Variants in CNTN1 observed in about 807,000 individuals in gnomAD.
The protein encoded by CNTN1 is contactin 1.
A neutral mutation model predicts 126.4 loss-of-function variants in CNTN1; 38 were observed. The observed-to-expected ratio is 0.30, with a 90% CI of 0.23 to 0.39. The LOEUF is 0.39. CNTN1 is among the 10% of genes least tolerant of loss of function. CNTN1 has a pLI of 1.00. For missense variants in CNTN1, 1,009 were observed against 1,248.4 expected (o/e 0.81, Z 2.89); for synonymous variants, 413 against 422.6 (o/e 0.98, Z 0.28).
intron 23 of CNTN1, among the ~76,000 whole-genome samples, chr12:41,069,664 C>G (rs1001053154): frequency 1.5e-4 from 22 of 147,546 alleles, no homozygotes; most frequent in African/African-American, 5.5e-4. Flanking sequence ...TGACATTTTG[C>G]CTTCTGGTAG....
chr12:40,951,238 C>T (rs1166257623), intron 14 of CNTN1, among the ~76,000 whole-genome samples: 3 of 152,114 alleles, frequency 2.0e-5, no homozygotes, highest in African/African-American at 7.2e-5. Flanking sequence ...GACTCTTCAG[C>T]TGTCATTCTC....
In CNTN1 at chr12:40,822,148, C is replaced by CTTTTTTTTTTTTT. The variant is rs777953120; in HGVS notation, c.-76-86197_-76-86185dup. 1.3e-4 allele frequency among the ~76,000 whole-genome samples: 6 copies of CTTTTTTTTTTTTT among 47,258 alleles called. 1 individual carries two copies. Among genetic ancestry groups the CTTTTTTTTTTTTT allele is most frequent in the Non-Finnish European group, 1.7e-4 (4 of 23,472 alleles). 31.0% of individuals were successfully genotyped at this position (47,258 alleles called of 152,430 possible). On this transcript the variant is annotated intron_variant, in intron 1 of 23. Transcript: ENST00000551295. ...TTTCCAGTCTAGACAAAATATAAAT[C>CTTTTTTTTTTTTT]TTTTTTTTTTTTTTTTTTTTTTTTG...
intron 14 of CNTN1, among the ~76,000 whole-genome samples, chr12:40,957,100 T>TCAAATAAGATGAGCTGAAGC: frequency 6.6e-6 from 1 of 151,728 alleles, no homozygotes; most frequent in Middle Eastern, 3.4e-3. Context: ...TATCAAGAAG[T>TCAAATAAGATGAGCTGAAGC]CAAATAAGAT....
In CNTN1 at chr12:41,025,632, A is replaced by G. The variant is rs34016463; in HGVS notation, c.2710+296A>G. On this transcript the variant is annotated intron_variant, in intron 21 of 23. Coordinates refer to ENST00000551295, the MANE Select transcript of CNTN1 (RefSeq NM_001843.4). ...AACTTGTCTTTACCCTGTACTTATT[A>G]ATTTAAACATTGTTTTCATAGGAGT... 0.024 allele frequency among the ~76,000 whole-genome samples: 3,662 copies of G among 152,314 alleles called. 70 individuals are homozygous for G. The highest frequency in any genetic ancestry group is 0.031 in the African/African-American group (1,299 of 41,560).
At chr12:40,849,745 A>C (rs900959492) in intron 1 of CNTN1, among the ~76,000 whole-genome samples, 3 of 152,090 alleles carry the variant, frequency 2.0e-5, no homozygotes, top group African/African-American at 7.2e-5. Context: ...GATTTGTATT[A>C]TTAAAATAAG....
chr12:40,880,100 C>G (rs141341473), intron 1 of CNTN1, among the ~76,000 whole-genome samples: 4 of 151,696 alleles, frequency 2.6e-5, no homozygotes, highest in Non-Finnish European at 4.4e-5. Flanking sequence ...TTTGAGGTGA[C>G]GCAAAGTCAT....
intron 1 of CNTN1, among the ~76,000 whole-genome samples, chr12:40,852,150 A>G (rs1374746795): frequency 6.6e-6 from 1 of 152,192 alleles, no homozygotes; most frequent in African/African-American, 2.4e-5. Flanking sequence ...AGAGGCCTTC[A>G]GCTACAGTGG....
intron 1 of CNTN1, among the ~76,000 whole-genome samples, chr12:40,809,364 G>A (rs1386721465): frequency 6.6e-6 from 1 of 152,066 alleles, no homozygotes; most frequent in Non-Finnish European, 1.5e-5. Context: ...ATAACTTGCT[G>A]GTACATTAAT....
chr12:40,765,228 G>A (rs750379363), intron 1 of CNTN1, among the ~76,000 whole-genome samples: 2 of 152,130 alleles, frequency 1.3e-5, no homozygotes, highest in Non-Finnish European at 2.9e-5. Context: ...TTGAGTTGCA[G>A]TGTGAATGAT....
At chr12:40,942,011 TA>T (rs1462295644) in intron 12 of CNTN1, among the ~76,000 whole-genome samples, 1 of 152,108 alleles carries the variant, frequency 6.6e-6, no homozygotes, top group Non-Finnish European at 1.5e-5. Context: ...TTAAAGATGG[TA>T]AAAGATCAAT....
chr12:40,771,975 AG>A (rs547648878), intron 1 of CNTN1, among the ~76,000 whole-genome samples: 139 of 152,156 alleles, frequency 9.1e-4, no homozygotes, highest in African/African-American at 3.3e-3. Context: ...CTAAGTCTCC[AG>A]GGCTCCTGGC....
intron 1 of CNTN1, among the ~76,000 whole-genome samples, chr12:40,784,922 G>C (rs1364026609): frequency 6.6e-6 from 1 of 152,036 alleles, no homozygotes; most frequent in Non-Finnish European, 1.5e-5. Context: ...ACTTTTGTGT[G>C]GTTACAGATT....
At chr12:40,760,468 G>GT (rs550386071) in intron 1 of CNTN1, among the ~76,000 whole-genome samples, 1,898 of 144,980 alleles carry the variant, frequency 0.013, 19 homozygotes, top group Middle Eastern at 0.047. Flanking sequence ...AGCAGTTAAT[G>GT]TTTTTTTTTT....
At chr12:40,807,627 G>A (rs1940909037) in intron 1 of CNTN1, among the ~76,000 whole-genome samples, 1 of 152,106 alleles carries the variant, frequency 6.6e-6, no homozygotes, top group Admixed American at 6.6e-5. Flanking sequence ...GTTAGGAGTG[G>A]ACTTCATTAG....
rs1565961657 is a variant in CNTN1 at position 40,925,579 on chromosome 12, G to GTGTATATA, written c.496+928_496+929insGTATATAT. 3.3e-3 allele frequency among the ~76,000 whole-genome samples: 346 copies of GTGTATATA among 106,106 alleles called. 1 individual carries two copies. Among genetic ancestry groups the GTGTATATA allele is most frequent in the African/African-American group, 0.012 (334 of 27,212 alleles). The allele number at this position is 106,106 out of a possible 152,430, so 69.6% of individuals were successfully genotyped here. ...TATACACGTATATATACGTATATAC[G>GTGTATATA]TATATATACATGTATATATATATAT... is the stretch of plus-strand genomic sequence containing the variant. On this transcript the variant is annotated intron_variant, in intron 6 of 23. Transcript: ENST00000551295.
intron 1 of CNTN1, chr12:40,728,752 T>G (rs890096583): frequency 6.6e-6 from 1 of 152,168 alleles, no homozygotes; most frequent in African/African-American, 2.4e-5. Flanking sequence ...TATAAAATGA[T>G]GCACAAGCGT....
intron 1 of CNTN1, among the ~76,000 whole-genome samples, chr12:40,898,648 T>C (rs575548138): frequency 3.3e-5 from 5 of 152,310 alleles, no homozygotes; most frequent in African/African-American, 1.2e-4. Context: ...TCAATGACTC[T>C]TTTACCTAAA....
chr12:40,746,708 C>T (rs1200989828), intron 1 of CNTN1, among the ~76,000 whole-genome samples: 1 of 151,972 alleles, frequency 6.6e-6, no homozygotes, highest in East Asian at 1.9e-4. Context: ...GATGAGTATG[C>T]GCAGTGTGCT....
chr12:40,743,462 T>C (rs1938033284), intron 1 of CNTN1, among the ~76,000 whole-genome samples: 1 of 152,112 alleles, frequency 6.6e-6, no homozygotes, highest in South Asian at 2.1e-4. Context: ...CTTATCTTTT[T>C]GTACATCAGT....
Sources: allele counts gnomAD v4.1 joint callset (sites outside exome capture counted in the v4.1 genomes callset), GRCh38; gene constraint gnomAD v4.1.1; transcripts MANE v1.5; gene names NCBI Gene and HGNC (gene_info 2026-07-23, HGNC 2026-07-21).